The following CXCL13 variants were observed in gnomAD, a reference collection of about 807,000 sequenced individuals.
The protein encoded by CXCL13 is C-X-C motif chemokine 13.
Under a neutral mutation model 12.2 loss-of-function variants are expected in CXCL13, and 7 were observed. That is an observed-to-expected ratio of 0.57 (90% confidence interval 0.33 to 1.07). The LOEUF (loss-of-function observed/expected upper bound fraction) is 1.07. CXCL13 is among the 50% of genes least tolerant of loss of function. The probability of loss-of-function intolerance (pLI) is 0.04; values close to 1 mark genes in which losing one functional copy is unlikely to be tolerated. For synonymous variants in CXCL13, 47 were observed against 42.4 expected (o/e 1.11, Z -0.42); for missense variants, 113 against 127.4 (o/e 0.89, Z 0.55).
At chr4:77,551,627 G>C (rs1725523966) in intron 1 of CXCL13, among the ~76,000 whole-genome samples, 1 of 152,116 alleles carries the variant, frequency 6.6e-6, no homozygotes, top group African/African-American at 2.4e-5. Flanking sequence ...GTGTTTTCTA[G>C]AATGTCTACC....
intron 1 of CXCL13, among the ~76,000 whole-genome samples, chr4:77,576,078 G>C (rs776481486): frequency 6.0e-4 from 91 of 151,896 alleles, no homozygotes; most frequent in Non-Finnish European, 2.2e-4. Flanking sequence ...TTTATAATCA[G>C]CTACAGAACT....
chr4:77,550,708 T>A (rs1304475593), intron 1 of CXCL13, among the ~76,000 whole-genome samples: 4 of 152,226 alleles, frequency 2.6e-5, no homozygotes, highest in Non-Finnish European at 5.9e-5. Context: ...ATGCTGTCAG[T>A]AGGGTGTTAA....
At chr4:77,556,320 C>T (rs1036091537) in intron 1 of CXCL13, among the ~76,000 whole-genome samples, 4 of 140,266 alleles carry the variant, frequency 2.9e-5, no homozygotes, top group African/African-American at 1.1e-4. Context: ...AAAAACAATG[C>T]TGAGTGAAGG....
At chr4:77,561,695 C>T (rs1190778505) in intron 1 of CXCL13, among the ~76,000 whole-genome samples, 2 of 152,212 alleles carry the variant, frequency 1.3e-5, no homozygotes, top group Non-Finnish European at 2.9e-5. Context: ...TCCTTGCCTC[C>T]CCTGCAGCAG....
chr4:77,604,479 T>G (rs547492795), upstream of CXCL13, among the ~76,000 whole-genome samples: 3 of 152,240 alleles, frequency 2.0e-5, no homozygotes, highest in Admixed American at 1.3e-4. Context: ...TATAGAAGAC[T>G]GTTTAGAATT....
chr4:77,565,838 C>G (rs1725915335), intron 1 of CXCL13, among the ~76,000 whole-genome samples: 1 of 152,144 alleles, frequency 6.6e-6, no homozygotes, highest in African/African-American at 2.4e-5. Context: ...GAATGGCAGC[C>G]AGGTTTGGCC....
chr4:77,544,707 T>C (rs1725307581), intron 1 of CXCL13, among the ~76,000 whole-genome samples: 1 of 152,258 alleles, frequency 6.6e-6, no homozygotes, highest in Non-Finnish European at 1.5e-5. Context: ...GCCTGTTCAC[T>C]CTGATGGTAG....
intron 1 of CXCL13, among the ~76,000 whole-genome samples, chr4:77,542,302 T>G (rs559503735): frequency 1.3e-5 from 2 of 152,302 alleles, no homozygotes; most frequent in South Asian, 4.2e-4. Flanking sequence ...TCAAGGGGAA[T>G]GCTTCCAGTT....
intron 1 of CXCL13, among the ~76,000 whole-genome samples, chr4:77,531,957 GT>G (rs1221799255): frequency 6.6e-6 from 1 of 152,140 alleles, no homozygotes; most frequent in Non-Finnish European, 1.5e-5. Flanking sequence ...CGTGAGATGG[GT>G]TTCCTGAATA....
chr4:77,521,409 A>C (rs979248830), intron 1 of CXCL13, among the ~76,000 whole-genome samples: 19 of 152,162 alleles, frequency 1.2e-4, no homozygotes, highest in Admixed American at 3.3e-4. Flanking sequence ...TTATTGGTCT[A>C]TTCAGAGATT....
At chr4:77,605,776 C>A, upstream of CXCL13, 1 of 679,824 alleles carries the variant, frequency 1.5e-6, no homozygotes, top group South Asian at 3.1e-5. Flanking sequence ...GTGGGAGGGC[C>A]CTTACTGGTA....
chr4:77,515,603 CTGTT>C (rs1253828736), intron 1 of CXCL13, among the ~76,000 whole-genome samples: 1 of 152,212 alleles, frequency 6.6e-6, no homozygotes, highest in African/African-American at 2.4e-5. Context: ...ATTTGGCTCT[CTGTT>C]TGTCTGTTAT....
At chr4:77,512,350 GT>G (rs1254223102) in intron 1 of CXCL13, among the ~76,000 whole-genome samples, 1 of 152,138 alleles carries the variant, frequency 6.6e-6, no homozygotes, top group African/African-American at 2.4e-5. Context: ...ATCATCACAT[GT>G]TGCTGCTATT....
intron 1 of CXCL13, among the ~76,000 whole-genome samples, chr4:77,548,870 G>A (rs1217092378): frequency 1.3e-5 from 2 of 152,170 alleles, no homozygotes; most frequent in Non-Finnish European, 2.9e-5. Flanking sequence ...TCCTGAATTT[G>A]AATGTTAGCC....
chr4:77,570,411 GAA>G (rs921279794), intron 1 of CXCL13, among the ~76,000 whole-genome samples: 10 of 152,110 alleles, frequency 6.6e-5, no homozygotes, highest in African/African-American at 2.4e-4. Context: ...AAACTTACAA[GAA>G]AAAAACCAAA....
chr4:77,529,987 C>T (rs1035075163), intron 1 of CXCL13, among the ~76,000 whole-genome samples: 2 of 152,148 alleles, frequency 1.3e-5, no homozygotes, highest in African/African-American at 2.4e-5. Flanking sequence ...TAGCATGAAG[C>T]GTTGTTGAAT....
At chr4:77,594,653 T>C (rs1033130964) in intron 1 of CXCL13, among the ~76,000 whole-genome samples, 2 of 151,336 alleles carry the variant, frequency 1.3e-5, no homozygotes, top group Non-Finnish European at 2.9e-5. Flanking sequence ...GGCTCATCTT[T>C]CCCAGGTCCA....
At chr4:77,565,054 C>T (rs934942821) in intron 1 of CXCL13, among the ~76,000 whole-genome samples, 10 of 152,222 alleles carry the variant, frequency 6.6e-5, no homozygotes, top group Admixed American at 3.9e-4. Context: ...AACTGTTCTA[C>T]TGATCCCTTG....
At chr4:77,602,806 A>G (rs1173805203), upstream of CXCL13, among the ~76,000 whole-genome samples, 3 of 152,186 alleles carry the variant, frequency 2.0e-5, no homozygotes, top group Non-Finnish European at 4.4e-5. Context: ...CTATTTGTTT[A>G]AATATTTTTT....
Sources: allele counts gnomAD v4.1 joint callset (sites outside exome capture counted in the v4.1 genomes callset), GRCh38; gene constraint gnomAD v4.1.1; transcripts MANE v1.5; gene names NCBI Gene and HGNC (gene_info 2026-07-23, HGNC 2026-07-21).